Variants in METTL15 observed in about 807,000 individuals in gnomAD.
METTL15 encodes methyltransferase 15, mitochondrial 12S rRNA N4-cytidine.
A neutral mutation model predicts 38.3 loss-of-function variants in METTL15; 34 were observed. The ratio of observed to expected loss-of-function variants is 0.89; its 90% CI spans 0.68 to 1.18. METTL15 has a LOEUF of 1.18. Ranked by LOEUF, METTL15 falls within the 50% of genes most tolerant of loss-of-function variation. METTL15 has a pLI of 0.00. For synonymous variants in METTL15, 162 were observed against 170.9 expected (o/e 0.95, Z 0.41); for missense variants, 438 against 498.4 (o/e 0.88, Z 1.15).
chr11:28,510,616 GTTATTA>G (rs1325489403), intron 6 of METTL15, among the ~76,000 whole-genome samples: 1 of 152,138 alleles, frequency 6.6e-6, no homozygotes, highest in East Asian at 1.9e-4. Flanking sequence ...TGAAGTATAT[GTTATTA>G]TTATTATTCC....
At position 28,175,006 on chromosome 11, in the gene METTL15, T is replaced by A. The variant is rs1565143137; in HGVS notation, c.271-36056T>A. On this transcript the variant is annotated intron_variant, in intron 3 of 6. Transcript: ENST00000407364. ...TACATGTGCACAACGTGCAGGTTAG[T>A]TACATATGTATACATGTGCCATGTT... is the stretch of plus-strand genomic sequence containing the variant. Among the ~76,000 whole-genome samples the A allele has an allele frequency of 4.6e-5, 7 of 152,180 alleles. No individual in the cohort carries two copies. The South Asian group carries it at 1.0e-3, about 23-fold the overall frequency.
chr11:28,460,684 A>G (rs1460240112), intron 6 of METTL15, among the ~76,000 whole-genome samples: 1 of 152,050 alleles, frequency 6.6e-6, no homozygotes, highest in Admixed American at 6.6e-5. Context: ...TAGATCAAAG[A>G]TAAATTACAC....
At chr11:28,398,505 G>C (rs1405234369) in intron 5 of METTL15, among the ~76,000 whole-genome samples, 1 of 152,048 alleles carries the variant, frequency 6.6e-6, no homozygotes, top group East Asian at 1.9e-4. Flanking sequence ...CATATCCTTT[G>C]CCCACTTTTT....
At chr11:28,119,404 C>T (rs955153474) in intron 3 of METTL15, among the ~76,000 whole-genome samples, 1 of 152,096 alleles carries the variant, frequency 6.6e-6, no homozygotes, top group African/African-American at 2.4e-5. Context: ...AGGAATGTCC[C>T]TTGGGTACTG....
chr11:28,357,057 C>T (rs1850096813), intron 4 of METTL15, among the ~76,000 whole-genome samples: 1 of 152,182 alleles, frequency 6.6e-6, no homozygotes, highest in African/African-American at 2.4e-5. Flanking sequence ...TGGCTCAGTA[C>T]ACACAGAACA....
chr11:28,159,722 G>A (rs1475801094), intron 3 of METTL15, among the ~76,000 whole-genome samples: 2 of 152,070 alleles, frequency 1.3e-5, no homozygotes, highest in South Asian at 2.1e-4. Flanking sequence ...TTTAAGTATC[G>A]TTAACTTTAT....
At chr11:28,176,587 T>A (rs969635588) in intron 3 of METTL15, among the ~76,000 whole-genome samples, 1 of 152,174 alleles carries the variant, frequency 6.6e-6, no homozygotes, top group Non-Finnish European at 1.5e-5. Flanking sequence ...GTATTTCTTA[T>A]CATTACCATT....
At chr11:28,230,414 C>T (rs1277880832) in intron 4 of METTL15, among the ~76,000 whole-genome samples, 1 of 151,872 alleles carries the variant, frequency 6.6e-6, no homozygotes, top group Non-Finnish European at 1.5e-5. Flanking sequence ...TACCTCTTCA[C>T]AAACTTGAGA....
chr11:28,266,928 G>A (rs1307857637), intron 4 of METTL15, among the ~76,000 whole-genome samples: 1 of 152,132 alleles, frequency 6.6e-6, no homozygotes, highest in Non-Finnish European at 1.5e-5. Context: ...GGGAGGCCAA[G>A]GTGGGTGGAT....
intron 6 of METTL15, among the ~76,000 whole-genome samples, chr11:28,435,068 T>C (rs1305013819): frequency 7.2e-5 from 11 of 152,198 alleles, no homozygotes; most frequent in Non-Finnish European, 4.4e-5. Flanking sequence ...TGAAAACCTG[T>C]GTCCCCTAAT....
At position 28,162,440 on chromosome 11, in the gene METTL15, G is replaced by A. The variant is rs143421513; in HGVS notation, c.271-48622G>A. 2.0e-5 allele frequency among the ~76,000 whole-genome samples: 3 copies of A among 152,154 alleles called. No homozygotes were observed. In the East Asian group the frequency reaches 5.8e-4, roughly 29 times the overall value. ...AATGGTTATTCAATAATGTTGCAAA[G>A]CCCAAGAAAATGATCTAAGCATGTG... On this transcript the variant is annotated intron_variant, in intron 3 of 6. Coordinates refer to ENST00000407364, the MANE Select transcript of METTL15 (RefSeq NM_001113528.2).
At chr11:28,397,764 A>G (rs528792671) in intron 5 of METTL15, among the ~76,000 whole-genome samples, 1 of 152,200 alleles carries the variant, frequency 6.6e-6, no homozygotes, top group Non-Finnish European at 1.5e-5. Flanking sequence ...ATTGTAAATC[A>G]TGCTGCTATA....
intron 5 of METTL15, among the ~76,000 whole-genome samples, chr11:28,418,495 T>C (rs2133419060): frequency 6.6e-6 from 1 of 152,212 alleles, no homozygotes; most frequent in Non-Finnish European, 1.5e-5. Context: ...ATGGGGCTAA[T>C]GAAAAACCTA....
At chr11:28,474,959 G>A (rs1207412606) in intron 6 of METTL15, among the ~76,000 whole-genome samples, 2 of 152,186 alleles carry the variant, frequency 1.3e-5, no homozygotes, top group African/African-American at 4.8e-5. Context: ...ACTTGCTGGT[G>A]ATACAGGTGA....
intron 6 of METTL15, among the ~76,000 whole-genome samples, chr11:28,321,791 G>A (rs1354280359): frequency 2.0e-5 from 3 of 151,826 alleles, no homozygotes; most frequent in Non-Finnish European, 1.5e-5. Flanking sequence ...CCACCTGATA[G>A]CAAAACTTAC....
chr11:28,224,932 G>A (rs906943350), intron 4 of METTL15, among the ~76,000 whole-genome samples: 11 of 151,084 alleles, frequency 7.3e-5, no homozygotes, highest in South Asian at 2.1e-4. Flanking sequence ...TTGATTTTGC[G>A]TCTTCACTAG....
intron 5 of METTL15, among the ~76,000 whole-genome samples, chr11:28,376,290 G>A (rs1025847966): frequency 1.3e-5 from 2 of 152,090 alleles, no homozygotes; most frequent in African/African-American, 2.4e-5. Flanking sequence ...CATTATTAAT[G>A]TGTGGGAGTC....
At chr11:28,291,913 C>T (rs541563857) in intron 5 of METTL15, among the ~76,000 whole-genome samples, 134 of 151,900 alleles carry the variant, frequency 8.8e-4, no homozygotes, top group Non-Finnish European at 1.8e-3. Flanking sequence ...AACACTGACA[C>T]TGAGAATTTA....
At chr11:28,154,974 G>A (rs969016410) in intron 3 of METTL15, among the ~76,000 whole-genome samples, 2 of 152,138 alleles carry the variant, frequency 1.3e-5, no homozygotes, top group African/African-American at 4.8e-5. Context: ...GGAAGGAAGA[G>A]CCATTAAGAA....
Sources: allele counts gnomAD v4.1 joint callset (sites outside exome capture counted in the v4.1 genomes callset), GRCh38; gene constraint gnomAD v4.1.1; transcripts MANE v1.5; gene names NCBI Gene and HGNC (gene_info 2026-07-23, HGNC 2026-07-21).